The following SLX4IP variants were observed in gnomAD, a reference collection of about 807,000 sequenced individuals.
SLX4IP encodes SLX4 interacting protein.
Under a neutral mutation model 32.9 loss-of-function variants are expected in SLX4IP, and 34 were observed. That is an observed-to-expected ratio of 1.03 (90% CI 0.79 to 1.38). The LOEUF (loss-of-function observed/expected upper bound fraction) is 1.38. SLX4IP is among the 40% of genes most tolerant of loss of function. The pLI is 0.00. For synonymous variants in SLX4IP, 172 were observed against 171.7 expected, an observed-to-expected ratio of 1.00 and a Z score of -0.01; for missense variants, 444 against 479.0, an observed-to-expected ratio of 0.93 and a Z score of 0.68.
chr20:10,466,171 T>A (rs746123093), intron 2 of SLX4IP, among the ~76,000 whole-genome samples: 1 of 152,232 alleles, frequency 6.6e-6, no homozygotes, highest in Non-Finnish European at 1.5e-5. Context: ...ACACATGGTG[T>A]CTACCTCAGG....
At chr20:10,561,911 C>T (rs1300159729) in intron 4 of SLX4IP, among the ~76,000 whole-genome samples, 2 of 152,128 alleles carry the variant, frequency 1.3e-5, no homozygotes, top group Admixed American at 6.5e-5. Context: ...TGGGCTCATC[C>T]GTGTTGCTAT....
chr20:10,465,636 G>T (rs2065374477), intron 2 of SLX4IP, among the ~76,000 whole-genome samples: 1 of 152,190 alleles, frequency 6.6e-6, no homozygotes, highest in African/African-American at 2.4e-5. Flanking sequence ...CTCCCAAGTA[G>T]CTGGGATTAC....
intron 4 of SLX4IP, among the ~76,000 whole-genome samples, chr20:10,597,805 G>A (rs1379796960): frequency 6.6e-6 from 1 of 152,124 alleles, no homozygotes; most frequent in East Asian, 1.9e-4. Context: ...TTGTACTCCT[G>A]CCAGCAGCGT....
chr20:10,461,938 C>A (rs6039951), intron 2 of SLX4IP, among the ~76,000 whole-genome samples: 14,781 of 152,068 alleles, frequency 0.097, 800 homozygotes, highest in East Asian at 0.15. Flanking sequence ...CCACCACTCT[C>A]GGCTAATTTT....
In SLX4IP at chr20:10,598,762, C is replaced by T. The variant is rs751195987; in HGVS notation, c.316+10C>T. ...AGCACACAGAATGCTGGTAAGAAGC[C>T]GATTTCTTGGTTTGTCAGACATTTC... On this transcript the variant is annotated intron_variant, in intron 5 of 7. Coordinates refer to ENST00000334534, the MANE Select transcript of SLX4IP (RefSeq NM_001009608.3). The T allele has an allele frequency of 9.3e-6, 15 of 1,613,356 alleles. No homozygotes were observed. Among genetic ancestry groups the T allele is most frequent in the South Asian group, 8.8e-5 (8 of 91,062 alleles).
intron 2 of SLX4IP, among the ~76,000 whole-genome samples, chr20:10,550,091 G>T (rs1206275731): frequency 1.3e-5 from 2 of 152,078 alleles, no homozygotes; most frequent in Non-Finnish European, 2.9e-5. Flanking sequence ...TCATCTTCTT[G>T]ACTCTGATTG....
chr20:10,536,253 G>A (rs1035158721), intron 2 of SLX4IP, among the ~76,000 whole-genome samples: 7 of 152,090 alleles, frequency 4.6e-5, no homozygotes, highest in South Asian at 4.1e-4. Context: ...AGGGCTGGGC[G>A]CTGATGGCCT....
chr20:10,614,264 A>T (rs908286517), intron 6 of SLX4IP: 1 of 607,000 alleles, frequency 1.6e-6, no homozygotes, highest in Non-Finnish European at 2.9e-6. Context: ...TCCAGCTCTC[A>T]AAAGATGAAG....
intron 3 of SLX4IP, among the ~76,000 whole-genome samples, chr20:10,559,881 G>T (rs762174172): frequency 6.6e-6 from 1 of 152,058 alleles, no homozygotes. Context: ...AAAAACAAAG[G>T]CATATACAGT....
chr20:10,526,897 A>C lies in SLX4IP; in HGVS notation c.28-29334A>C, dbSNP rs1388687914. The stretch of plus-strand genomic sequence containing the variant: ...AGGCTGGGAGGCAGAGGTTGCAGTG[A>C]GCCAAGATCGCACCACTGCATTCCA... On this transcript the variant is annotated intron_variant, in intron 2 of 7. Transcript: ENST00000334534. Among the ~76,000 whole-genome samples the C allele has an allele frequency of 2.6e-5, 4 of 152,188 alleles. No individual in the cohort carries two copies. The East Asian group carries it at 7.7e-4, about 29-fold the overall frequency.
chr20:10,614,934 C>G (rs903370699), intron 6 of SLX4IP, among the ~76,000 whole-genome samples: 4 of 152,114 alleles, frequency 2.6e-5, no homozygotes, highest in African/African-American at 9.7e-5. Flanking sequence ...GTTGAAAGTG[C>G]ACACCAGACT....
At chr20:10,439,040 G>C (rs996140544) in intron 1 of SLX4IP, among the ~76,000 whole-genome samples, 2 of 151,656 alleles carry the variant, frequency 1.3e-5, no homozygotes, top group African/African-American at 4.8e-5. Flanking sequence ...TTTGTTGTTG[G>C]GAGTTTTGAT....
intron 4 of SLX4IP, among the ~76,000 whole-genome samples, chr20:10,576,300 T>A (rs2066522417): frequency 6.6e-6 from 1 of 152,194 alleles, no homozygotes; most frequent in Admixed American, 6.5e-5. Context: ...TTGCCACAGA[T>A]TCAGAGTGAG....
chr20:10,597,945 G>A (rs561753166), intron 4 of SLX4IP, among the ~76,000 whole-genome samples: 8 of 152,134 alleles, frequency 5.3e-5, no homozygotes, highest in Non-Finnish European at 1.2e-4. Flanking sequence ...CATTCTATAT[G>A]AAGATTTTGA....
chr20:10,607,569 T>C (rs1453726921), intron 6 of SLX4IP, among the ~76,000 whole-genome samples: 2 of 152,178 alleles, frequency 1.3e-5, no homozygotes, highest in Non-Finnish European at 2.9e-5. Context: ...GGTCAGAACA[T>C]GTTCAACAGA....
intron 2 of SLX4IP, among the ~76,000 whole-genome samples, chr20:10,473,547 G>C (rs1479944882): frequency 6.6e-6 from 1 of 151,852 alleles, no homozygotes; most frequent in African/African-American, 2.4e-5. Flanking sequence ...TTTTCTGCCA[G>C]AGTGTGTCTT....
chr20:10,473,365 C>T (rs886991819), intron 2 of SLX4IP, among the ~76,000 whole-genome samples: 1 of 152,192 alleles, frequency 6.6e-6, no homozygotes, highest in Non-Finnish European at 1.5e-5. Context: ...GCATTAGTAT[C>T]TCCCACAGTC....
intron 4 of SLX4IP, among the ~76,000 whole-genome samples, chr20:10,581,837 G>A (rs567111933): frequency 2.1e-4 from 32 of 152,222 alleles, no homozygotes; most frequent in South Asian, 1.2e-3. Flanking sequence ...CAGGAGGATC[G>A]CTTGAGCCCA....
intron 4 of SLX4IP, among the ~76,000 whole-genome samples, chr20:10,582,350 C>T (rs976963304): frequency 6.6e-6 from 1 of 152,040 alleles, no homozygotes; most frequent in African/African-American, 2.4e-5. Flanking sequence ...TTAATATTTC[C>T]ATTTTGTTTG....
Sources: gnomAD v4.1 joint callset for allele counts (sites outside exome capture counted in the v4.1 genomes callset) on GRCh38, gnomAD v4.1.1 for gene constraint, MANE v1.5 for transcripts, NCBI Gene and HGNC (gene_info 2026-07-23, HGNC 2026-07-21) for gene names.